RNF14: variants seen among roughly 807,000 people sequenced by gnomAD.
RNF14 encodes E3 ubiquitin-protein ligase RNF14.
RNF14 carries 26 observed loss-of-function variants against 52.6 expected under a neutral mutation model. The ratio of observed to expected loss-of-function variants is 0.49; its 90% CI spans 0.36 to 0.69. RNF14 has a LOEUF of 0.69. Among genes scored for constraint, RNF14 ranks in the 30% least tolerant of loss-of-function variants. The pLI, the probability that RNF14 is intolerant of heterozygous loss-of-function variation, is 0.00. For synonymous variants in RNF14, 194 were observed against 202.0 expected (o/e 0.96, Z 0.34); for missense variants, 404 against 560.4 (o/e 0.72, Z 2.82).
intron 1 of RNF14, chr5:141,958,936 C>T (rs1023826903): frequency 2.0e-5 from 3 of 152,314 alleles, no homozygotes; most frequent in Non-Finnish European, 2.9e-5. Flanking sequence ...CTATGGCTAC[C>T]TCTGGATCTT....
In RNF14 at chr5:141,987,796, T is replaced by G. The variant is rs202148127; in HGVS notation, c.*6T>G. On this transcript the variant is annotated 3_prime_UTR_variant, in exon 9 of 9. Coordinates refer to ENST00000394520, the MANE Select transcript of RNF14 (RefSeq NM_004290.5). ...AAGATGAGGTAGAAGACTAGTTAACTACTGCTCAAGATATGGAAGTGGATT... is the reference window on the plus strand; with the variant it reads ...AAGATGAGGTAGAAGACTAGTTAACGACTGCTCAAGATATGGAAGTGGATT... 2.3e-3 allele frequency: 3,673 copies of G among 1,612,260 alleles called. 7 individuals carry two copies. Among genetic ancestry groups the G allele is most frequent in the Non-Finnish European group, 2.9e-3 (3,398 of 1,179,104 alleles).
chr5:141,966,861 C>A (rs144498098), upstream of RNF14: 11 of 152,386 alleles, frequency 7.2e-5, no homozygotes, highest in Non-Finnish European at 1.6e-4. Flanking sequence ...TCACTTTTTT[C>A]CTCACGAAGA....
intron 2 of RNF14, 86 bp downstream of exon 2, chr5:141,970,963 A>G (rs183399040): frequency 2.8e-4 from 42 of 152,478 alleles, no homozygotes; most frequent in African/African-American, 9.9e-4. Flanking sequence ...CATCTCCTAG[A>G]AAAAAAGTGT....
chr5:141,976,526 T>TGG (rs1754267457), intron 4 of RNF14, among the ~76,000 whole-genome samples: 1 of 152,204 alleles, frequency 6.6e-6, no homozygotes, highest in Non-Finnish European at 1.5e-5. Flanking sequence ...ACATTTTAAT[T>TGG]GGTCTCTTAT....
At chr5:141,967,016 A>G (rs1158354411), upstream of RNF14, 2 of 152,154 alleles carry the variant, frequency 1.3e-5, no homozygotes, top group Non-Finnish European at 2.9e-5. Context: ...TTTTTCCGAG[A>G]TATGTTTCTG....
At chr5:141,951,445 C>T in the RNF14 span, 17 of 1,383,500 alleles carry the variant, frequency 1.2e-5, no homozygotes, top group East Asian at 1.1e-4. Context: ...TGATGAGGGG[C>T]GGCCAGTAGG....
intron 1 of RNF14, among the ~76,000 whole-genome samples, chr5:141,960,661 C>T (rs1172341539): frequency 6.6e-6 from 1 of 152,174 alleles, no homozygotes; most frequent in African/African-American, 2.4e-5. Flanking sequence ...ACATGCCAGG[C>T]CTTGTCCTAA....
intron 3 of RNF14, 120 bp from the exon 4 acceptor site, chr5:141,974,684 T>G: frequency 3.3e-6 from 3 of 914,150 alleles, no homozygotes; most frequent in East Asian, 2.7e-5. Context: ...AGAAAGTGCT[T>G]TGGGGGAGGG....
At chr5:141,984,978 A>C (rs1365929177) in intron 8 of RNF14, 45 bp downstream of exon 8, 2 of 1,561,754 alleles carry the variant, frequency 1.3e-6, no homozygotes, top group Non-Finnish European at 1.8e-6. Context: ...AATTTTTGGT[A>C]CTTGATTTGC....
At chr5:141,954,888 G>T, upstream of RNF14, 2 of 1,489,410 alleles carry the variant, frequency 1.3e-6, no homozygotes, top group Non-Finnish European at 1.8e-6. Flanking sequence ...GAAACATGAG[G>T]ACTGTGCAGG....
intron 8 of RNF14, 61 bp downstream of exon 8, chr5:141,984,994 A>C: frequency 7.0e-7 from 1 of 1,421,510 alleles, no homozygotes; most frequent in East Asian, 2.3e-5. Context: ...TTTGCAGACC[A>C]CAAATCCAGT....
At position 141,973,649 on chromosome 5, in the gene RNF14, G is replaced by A. The variant is rs768599167; in HGVS notation, c.61G>A (p.Asp21Asn). 38 of 1,613,820 alleles carry A rather than the reference G, an allele frequency of 2.4e-5. No homozygotes were observed. In the East Asian group the frequency reaches 6.2e-4, roughly 26 times the overall value. Residue 21 changes from aspartate to asparagine, a missense_variant, in exon 3 of 9, where the codon GAT becomes AAT. Coordinates refer to ENST00000394520, the MANE Select transcript of RNF14 (RefSeq NM_004290.5). ...DELLALASIY[D>N]GDEFRKAESV... ...ATTGCTGGCCCTGGCAAGTATTTAC[G>A]ATGGAGATGAATTTAGAAAAGCAGA...
intron 7 of RNF14, 89 bp downstream of exon 7, chr5:141,983,641 T>C: frequency 8.9e-7 from 1 of 1,123,862 alleles, no homozygotes; most frequent in Non-Finnish European, 1.2e-6. Context: ...ATTTTATGAC[T>C]TACAAAACAC....
At chr5:141,949,775 A>G in the RNF14 span, among the ~76,000 whole-genome samples, 1 of 144,942 alleles carries the variant, frequency 6.9e-6, no homozygotes, top group Non-Finnish European at 1.5e-5. Context: ...GTAAAATGAG[A>G]GTAATAAATA....
At chr5:141,977,227 C>T (rs928422936) in intron 4 of RNF14, among the ~76,000 whole-genome samples, 1 of 152,220 alleles carries the variant, frequency 6.6e-6, no homozygotes, top group African/African-American at 2.4e-5. Flanking sequence ...TAGCAGATTT[C>T]TCAAAAGCAT....
chr5:141,956,704 G>C (rs764897668), upstream of RNF14: 11 of 1,614,218 alleles, frequency 6.8e-6, no homozygotes, highest in Non-Finnish European at 9.3e-6. Context: ...ATTGTGTCCT[G>C]AATCCAAGTC....
chr5:141,973,383 A>G (rs1383887649), intron 2 of RNF14, among the ~76,000 whole-genome samples, 200 bp from the exon 3 acceptor site: 2 of 151,822 alleles, frequency 1.3e-5, no homozygotes, highest in Non-Finnish European at 2.9e-5. Context: ...GATTACAGGC[A>G]CCTGCCACCA....
intron 2 of RNF14, among the ~76,000 whole-genome samples, chr5:141,971,416 T>G (rs1157675982): frequency 5.9e-5 from 9 of 152,074 alleles, no homozygotes; most frequent in African/African-American, 1.9e-4. Flanking sequence ...TAATTTTTTA[T>G]AGAGACAGGA....
chr5:141,974,540 A>G (rs1047646647), intron 3 of RNF14, among the ~76,000 whole-genome samples: 1 of 152,246 alleles, frequency 6.6e-6, no homozygotes, highest in Admixed American at 6.5e-5. Flanking sequence ...CATTAGTGTT[A>G]GGAATTGTAC....
Sources: allele counts gnomAD v4.1 joint callset (sites outside exome capture counted in the v4.1 genomes callset), GRCh38; gene constraint gnomAD v4.1.1; transcripts MANE v1.5; gene names NCBI Gene and HGNC (gene_info 2026-07-23, HGNC 2026-07-21).